NRG3: variants seen among roughly 807,000 people sequenced by gnomAD.
The protein encoded by NRG3 is neuregulin 3.
In NRG3, 31 loss-of-function variants were observed where a neutral mutation model predicts 66.9. The observed-to-expected ratio is 0.46, with a 90% confidence interval of 0.35 to 0.63. NRG3 has a LOEUF of 0.63. Among genes scored for constraint, NRG3 ranks in the 20% least tolerant of loss-of-function variants. The pLI is 0.00. For synonymous variants in NRG3, 393 were observed against 359.4 expected, an observed-to-expected ratio of 1.09 and a Z score of -1.06; for missense variants, 910 against 878.9, an observed-to-expected ratio of 1.04 and a Z score of -0.45.
At chr10:82,006,261 T>TA (rs1012933477) in intron 1 of NRG3, among the ~76,000 whole-genome samples, 93 of 152,148 alleles carry the variant, frequency 6.1e-4, no homozygotes, top group Non-Finnish European at 2.6e-4. Context: ...GAGTGTCTTA[T>TA]GTCAACTGTC....
intron 2 of NRG3, among the ~76,000 whole-genome samples, chr10:82,713,897 A>T (rs957686893): frequency 6.6e-6 from 1 of 152,102 alleles, no homozygotes; most frequent in Admixed American, 6.5e-5. Flanking sequence ...AACAGTAGTC[A>T]TTTCAACTCT....
At chr10:82,144,039 A>G (rs1459280539) in intron 1 of NRG3, among the ~76,000 whole-genome samples, 1 of 151,154 alleles carries the variant, frequency 6.6e-6, no homozygotes, top group South Asian at 2.1e-4. Context: ...TAAAAAAAAA[A>G]AAAAGAAAAG....
At chr10:82,295,332 C>T (rs1255467405) in intron 1 of NRG3, among the ~76,000 whole-genome samples, 12 of 152,008 alleles carry the variant, frequency 7.9e-5, no homozygotes, top group Non-Finnish European at 1.5e-4. Context: ...TGGTTGGTTG[C>T]CAGCGATAAG....
chr10:82,770,190 T>C (rs1316415387), intron 3 of NRG3, among the ~76,000 whole-genome samples: 1 of 152,170 alleles, frequency 6.6e-6, no homozygotes. Flanking sequence ...TGACTATGCA[T>C]AGTATTTCAA....
intron 2 of NRG3, among the ~76,000 whole-genome samples, chr10:82,394,500 T>C (rs1032156542): frequency 6.6e-6 from 1 of 152,160 alleles, no homozygotes; most frequent in Admixed American, 6.5e-5. Context: ...ATGGGCTCTT[T>C]TTTCCATTTC....
rs537019791 is a variant in NRG3 at position 82,478,946 on chromosome 10, T to C, written c.953+120078T>C. On this transcript the variant is annotated intron_variant, in intron 2 of 8. Transcript: ENST00000372141. The stretch of plus-strand genomic sequence containing the variant: ...TTTTGACTCTATCTGCTTTTTAAAT[T>C]ACCTTGCCTATTTTGAAAGCACAGT... 2.4e-4 allele frequency among the ~76,000 whole-genome samples: 36 copies of C among 152,356 alleles called. No individual in the cohort carries two copies. In the South Asian group the frequency reaches 7.5e-3, roughly 32 times the overall value.
At chr10:82,554,220 G>C (rs1307845805) in intron 2 of NRG3, among the ~76,000 whole-genome samples, 1 of 152,126 alleles carries the variant, frequency 6.6e-6, no homozygotes, top group African/African-American at 2.4e-5. Flanking sequence ...CCCCAGCACA[G>C]TAGGGTGACT....
intron 1 of NRG3, among the ~76,000 whole-genome samples, chr10:82,035,213 G>A (rs78095064): frequency 6.6e-6 from 1 of 152,016 alleles, no homozygotes; most frequent in Admixed American, 6.6e-5. Context: ...GCATTAACCT[G>A]CTCCATCACC....
intron 3 of NRG3, among the ~76,000 whole-genome samples, chr10:82,859,925 T>TA (rs142894500): frequency 7.9e-5 from 12 of 151,292 alleles, no homozygotes; most frequent in South Asian, 2.1e-4. Context: ...TTTTTGGTGT[T>TA]AAAAAAAAAC....
At chr10:82,520,889 C>T (rs1019869337) in intron 2 of NRG3, among the ~76,000 whole-genome samples, 1 of 152,164 alleles carries the variant, frequency 6.6e-6, no homozygotes, top group Admixed American at 6.5e-5. Flanking sequence ...TGAGGGCATT[C>T]TAATTCTCTG....
chr10:81,936,676 C>T (rs1446670047), intron 1 of NRG3, among the ~76,000 whole-genome samples: 3 of 151,914 alleles, frequency 2.0e-5, no homozygotes, highest in Admixed American at 6.6e-5. Context: ...TGGTTGGGGC[C>T]GAAGCTCTTT....
chr10:82,603,343 G>A (rs1013072644), intron 2 of NRG3, among the ~76,000 whole-genome samples: 2 of 152,092 alleles, frequency 1.3e-5, no homozygotes, highest in African/African-American at 4.8e-5. Context: ...AAACCATATT[G>A]TATCATGAGT....
At chr10:81,968,251 C>T (rs1398553005) in intron 1 of NRG3, among the ~76,000 whole-genome samples, 10 of 152,156 alleles carry the variant, frequency 6.6e-5, no homozygotes, top group Non-Finnish European at 1.2e-4. Flanking sequence ...TGGCCAAATG[C>T]CAATCAGTGA....
In NRG3 at chr10:82,142,807, T is replaced by TATCTCC. The variant is rs1312864876; in HGVS notation, c.824-215930_824-215925dup. 1.5e-3 allele frequency among the ~76,000 whole-genome samples: 221 copies of TATCTCC among 143,032 alleles called. 1 individual carries two copies. The highest frequency in any genetic ancestry group is 5.0e-3 in the African/African-American group (195 of 38,726). 93.8% of individuals were successfully genotyped at this position (143,032 alleles called of 152,430 possible). On this transcript the variant is annotated intron_variant, in intron 1 of 8. Transcript: ENST00000372141. ...TTTTGAGACAGAGCAAGACTCTATC[T>TATCTCC]ATCTCCAGGCTGGAATGCAGTGGTG...
chr10:82,262,499 G>A (rs964422841), intron 1 of NRG3, among the ~76,000 whole-genome samples: 1 of 152,038 alleles, frequency 6.6e-6, no homozygotes, highest in African/African-American at 2.4e-5. Context: ...TTTACATTCT[G>A]GCTACTCCTA....
chr10:82,853,579 GT>G (rs2063666583), intron 3 of NRG3, among the ~76,000 whole-genome samples: 2 of 152,056 alleles, frequency 1.3e-5, no homozygotes, highest in Admixed American at 6.6e-5. Context: ...AAGGGGTTGA[GT>G]TTTTTATTTG....
chr10:82,419,517 T>A (rs533707418), intron 2 of NRG3, among the ~76,000 whole-genome samples: 1 of 152,322 alleles, frequency 6.6e-6, no homozygotes, highest in Non-Finnish European at 1.5e-5. Context: ...GTCTTTCCAT[T>A]AAATTATTTG....
At chr10:82,276,385 G>A (rs1309877049) in intron 1 of NRG3, among the ~76,000 whole-genome samples, 1 of 151,930 alleles carries the variant, frequency 6.6e-6, no homozygotes, top group Non-Finnish European at 1.5e-5. Context: ...TATAGTTCAT[G>A]AAAAGTGATT....
rs149022386 is a variant in NRG3, at chr10:82,210,130, G to A, written c.824-148609G>A. Among the ~76,000 whole-genome samples, 562 of 152,244 alleles carry A rather than the reference G, an allele frequency of 3.7e-3. 6 individuals are homozygous for A. The highest frequency in any genetic ancestry group is 0.013 in the African/African-American group (530 of 41,550). On this transcript the variant is annotated intron_variant, in intron 1 of 8. Coordinates refer to ENST00000372141, the MANE Select transcript of NRG3 (RefSeq NM_001010848.4). Reference sequence around the variant, plus strand: ...AAACATTGCTATAACATATCAAAATGAGAGGCTCTGCATAAATGAATTTAT... The same window carrying A: ...AAACATTGCTATAACATATCAAAATAAGAGGCTCTGCATAAATGAATTTAT...
Sources: allele counts gnomAD v4.1 joint callset (sites outside exome capture counted in the v4.1 genomes callset), GRCh38; gene constraint gnomAD v4.1.1; transcripts MANE v1.5; gene names NCBI Gene and HGNC (gene_info 2026-07-23, HGNC 2026-07-21).